Variants in NAA60 observed in about 807,000 individuals in gnomAD.
The protein encoded by NAA60 is N-alpha-acetyltransferase 60.
In NAA60, 8 loss-of-function variants were observed where a neutral mutation model predicts 26.1. That is an observed-to-expected ratio of 0.31 (90% confidence interval 0.18 to 0.55). NAA60 has a LOEUF of 0.55. Ranked by LOEUF, NAA60 falls within the 20% of genes least tolerant of loss-of-function variation. The pLI is 0.93. For missense variants in NAA60, 290 were observed against 311.3 expected (o/e 0.93, Z 0.51); for synonymous variants, 131 against 122.5 (o/e 1.07, Z -0.46).
intron 2 of NAA60, among the ~76,000 whole-genome samples, chr16:3,472,868 G>T (rs1039414726): frequency 3.9e-5 from 6 of 152,126 alleles, no homozygotes; most frequent in African/African-American, 1.2e-4. Flanking sequence ...CTGTCATTTT[G>T]CCCCTGCATA....
At position 3,479,462 on chromosome 16, in the gene NAA60, G is replaced by A. The variant is rs2036690409; in HGVS notation, c.111-9G>A. On this transcript the variant is annotated splice_polypyrimidine_tract_variant and intron_variant, in intron 3 of 7. Transcript: ENST00000407558. Reference sequence around the variant, plus strand: ...TGGCAGGTTCACCTGAGTATGTTCTGTTTCTCAGGTACCCAGACTCATGGT... The same window carrying A: ...TGGCAGGTTCACCTGAGTATGTTCTATTTCTCAGGTACCCAGACTCATGGT... 2 of 1,613,550 alleles carry A rather than the reference G, an allele frequency of 1.2e-6. No individual in the cohort carries two copies. Among genetic ancestry groups the A allele is most frequent in the Admixed American group, 1.7e-5 (1 of 59,978 alleles).
intron 2 of NAA60, among the ~76,000 whole-genome samples, chr16:3,452,533 G>T (rs976767986): frequency 1.3e-5 from 2 of 151,872 alleles, no homozygotes; most frequent in African/African-American, 4.8e-5. Flanking sequence ...GCAGGTGCCT[G>T]TAGTCCCAGC....
At chr16:3,464,948 A>C (rs1356298248) in intron 2 of NAA60, among the ~76,000 whole-genome samples, 1 of 152,088 alleles carries the variant, frequency 6.6e-6, no homozygotes, top group African/African-American at 2.4e-5. Flanking sequence ...CTGGTAGCAG[A>C]GGCTCATTTC....
chr16:3,478,110 C>T (rs577838083), intron 3 of NAA60, among the ~76,000 whole-genome samples: 2 of 141,602 alleles, frequency 1.4e-5, no homozygotes, highest in African/African-American at 2.6e-5. Flanking sequence ...GTGGCACGCA[C>T]CTGTAACCCC....
intron 7 of NAA60, 48 bp downstream of exon 7, chr16:3,485,109 A>G (rs2037084407): frequency 8.5e-7 from 1 of 1,178,768 alleles, no homozygotes; most frequent in Non-Finnish European, 1.2e-6. Flanking sequence ...GCCTCCAGCC[A>G]CAAAAGTGGA....
chr16:3,476,156 C>T (rs539545778), intron 2 of NAA60, 66 bp from the exon 3 acceptor site: 1 of 1,292,274 alleles, frequency 7.7e-7, no homozygotes, highest in African/African-American at 1.5e-5. Context: ...TCTCGCCTGC[C>T]TCACAAGCTG....
intron 2 of NAA60, chr16:3,458,263 G>T (rs537266989): frequency 1.1e-6 from 1 of 869,674 alleles, no homozygotes; most frequent in African/African-American, 1.8e-5. Context: ...AGGCCGCGCC[G>T]GGGTCAGGGG....
Position 3,486,147 on chromosome 16 carries a change from G to C in NAA60, c.*887G>C, listed in dbSNP as rs546740702. 5.6e-6 allele frequency: 1 copy of C among 178,208 alleles called. No individual in the cohort carries two copies. Among genetic ancestry groups the C allele is most frequent in the South Asian group, 1.1e-4 (1 of 9,318 alleles). The allele number at this position is 178,208 out of a possible 1,614,324, so 11.0% of individuals were successfully genotyped here. On this transcript the variant is annotated 3_prime_UTR_variant, in exon 8 of 8. Transcript: ENST00000407558. ...AGGCCTCAAGGCTGCCATCTGTCTT[G>C]TAGGGCCTGGCCTTGTGGGCAGGGG...
At chr16:3,458,865 C>G (rs376439524) in intron 2 of NAA60, among the ~76,000 whole-genome samples, 4 of 152,146 alleles carry the variant, frequency 2.6e-5, no homozygotes, top group African/African-American at 7.2e-5. Flanking sequence ...GAATCTGTAG[C>G]TTTTGTGGTT....
intron 3 of NAA60, among the ~76,000 whole-genome samples, chr16:3,477,269 T>G (rs955284452): frequency 6.6e-6 from 1 of 152,268 alleles, no homozygotes; most frequent in African/African-American, 2.4e-5. Context: ...TCTTCTTGTC[T>G]GTCTTGCCTA....
At chr16:3,479,133 G>A (rs529147165) in intron 3 of NAA60, among the ~76,000 whole-genome samples, 6 of 152,172 alleles carry the variant, frequency 3.9e-5, no homozygotes, top group South Asian at 4.1e-4. Context: ...CCAGCTACTC[G>A]GGAGACCGAA....
rs763997256 is a variant in NAA60 at position 3,479,525 on chromosome 16, T to G, written c.165T>G (p.Leu55=). The change falls in exon 4 of 8, where the codon CTT becomes CTG. Residue 55 remains leucine, a synonymous_variant. Coordinates refer to ENST00000407558, the MANE Select transcript of NAA60 (RefSeq NM_001083601.3). ...CATCCAACAAGAAGTTCTTTTCCCT[T>G]GCTGCAACCTACAGAGGTGCCATTG... ...DITSNKKFFS[L]AATYRGAIVG... The G allele has an allele frequency of 6.2e-7, 1 of 1,614,054 alleles. No homozygotes were observed. Among genetic ancestry groups the G allele is most frequent in the Non-Finnish European group, 8.5e-7 (1 of 1,179,882 alleles).
intron 4 of NAA60, among the ~76,000 whole-genome samples, chr16:3,479,872 T>G (rs552842437): frequency 2.0e-5 from 3 of 152,186 alleles, no homozygotes; most frequent in Non-Finnish European, 2.9e-5. Context: ...GATGATGCAT[T>G]GAGAATCTGC....
chr16:3,474,509 C>G (rs1029896764), intron 2 of NAA60, among the ~76,000 whole-genome samples: 1 of 152,228 alleles, frequency 6.6e-6, no homozygotes, highest in Non-Finnish European at 1.5e-5. Flanking sequence ...AAATTCCTCC[C>G]CTTGTCAGGA....
chr16:3,481,607 C>T (rs900576529), intron 4 of NAA60, among the ~76,000 whole-genome samples: 1 of 152,202 alleles, frequency 6.6e-6, no homozygotes, highest in Non-Finnish European at 1.5e-5. Context: ...AGTAGAGGGC[C>T]CTCTGGCCTG....
chr16:3,480,399 C>G (rs1286255907), intron 4 of NAA60, among the ~76,000 whole-genome samples: 1 of 151,986 alleles, frequency 6.6e-6, no homozygotes, highest in East Asian at 1.9e-4. Context: ...GAGTTCAAGA[C>G]CAGCCTGGCC....
intron 2 of NAA60, chr16:3,458,221 G>C (rs2035113913): frequency 1.0e-6 from 1 of 981,264 alleles, no homozygotes; most frequent in Admixed American, 6.2e-5. Flanking sequence ...TCGGACCTGC[G>C]GCGGGGCGCC....
intron 2 of NAA60, chr16:3,468,133 T>G (rs2035883954): frequency 6.6e-6 from 1 of 152,124 alleles, no homozygotes; most frequent in South Asian, 2.1e-4. Flanking sequence ...TCTGATTCAT[T>G]GTGGAAAGCA....
intron 2 of NAA60, among the ~76,000 whole-genome samples, chr16:3,452,379 C>A (rs935307425): frequency 5.3e-5 from 8 of 151,882 alleles, no homozygotes; most frequent in African/African-American, 1.5e-4. Context: ...TTAATTAAAA[C>A]TAATTTTACT....
Sources: allele counts gnomAD v4.1 joint callset (sites outside exome capture counted in the v4.1 genomes callset), GRCh38; gene constraint gnomAD v4.1.1; transcripts MANE v1.5; gene names NCBI Gene and HGNC (gene_info 2026-07-23, HGNC 2026-07-21).